PPP1R9B: variants seen among roughly 807,000 people sequenced by gnomAD.
The protein encoded by PPP1R9B is protein phosphatase 1 regulatory subunit 9B, also known as neurabin-2.
Under a neutral mutation model 75.8 loss-of-function variants are expected in PPP1R9B, and 17 were observed. That is an observed-to-expected ratio of 0.22 (90% CI 0.15 to 0.34). The LOEUF (loss-of-function observed/expected upper bound fraction) is 0.34, where lower values mean the gene tolerates loss of function less well. Ranked by LOEUF, PPP1R9B falls within the 10% of genes least tolerant of loss-of-function variation. The pLI is 1.00. For synonymous variants in PPP1R9B, 509 were observed against 535.4 expected (o/e 0.95, Z 0.68); for missense variants, 875 against 1,196.0 (o/e 0.73, Z 3.96).
intron 4 of PPP1R9B, among the ~76,000 whole-genome samples, chr17:50,140,918 G>A (rs1912359803): frequency 6.6e-6 from 1 of 152,148 alleles, no homozygotes; most frequent in South Asian, 2.1e-4. Context: ...AGGTCCCAAT[G>A]AGGGGACCCC....
At chr17:50,148,075 G>T (rs1912562461) in intron 1 of PPP1R9B, among the ~76,000 whole-genome samples, 1 of 152,012 alleles carries the variant, frequency 6.6e-6, no homozygotes, top group Non-Finnish European at 1.5e-5. Flanking sequence ...GAAGAACCCT[G>T]CAGGCTGAAT....
chr17:50,140,289 C>A, intron 4 of PPP1R9B, 61 bp from the exon 5 acceptor site: 1 of 1,532,892 alleles, frequency 6.5e-7, no homozygotes, highest in Non-Finnish European at 8.8e-7. Flanking sequence ...CATCATCCTC[C>A]CTGCTGATGC....
In PPP1R9B at chr17:50,134,451, C is replaced by T. The variant is rs1049231616; in HGVS notation, c.*880G>A. On this transcript the variant is annotated 3_prime_UTR_variant, in exon 10 of 10. Coordinates refer to ENST00000612501, the MANE Select transcript of PPP1R9B (RefSeq NM_032595.5). ...CTCCAGGGAGAAATGTTCCCCTTGC[C>T]TAAGACCAGGGTCGCTGTAGCCAGA... 1.3e-5 allele frequency: 2 copies of T among 152,746 alleles called. No homozygotes were observed. Among genetic ancestry groups the T allele is most frequent in the African/African-American group, 4.8e-5 (2 of 41,470 alleles). The allele number at this position is 152,746 out of a possible 1,614,324, so 9.5% of individuals were successfully genotyped here. A position where few individuals can be genotyped will look rare whatever the true frequency, so the allele number is the denominator to read the frequency against.
At chr17:50,141,619 C>A (rs532658839) in intron 3 of PPP1R9B, among the ~76,000 whole-genome samples, 2 of 150,080 alleles carry the variant, frequency 1.3e-5, no homozygotes, top group South Asian at 4.2e-4. Context: ...GCTGTGTTTG[C>A]GCCACTGCAC....
chr17:50,140,778 G>T (rs1440742690), intron 4 of PPP1R9B, among the ~76,000 whole-genome samples: 2 of 152,210 alleles, frequency 1.3e-5, no homozygotes, highest in Admixed American at 1.3e-4. Context: ...CAGGGGGGCA[G>T]GGAGTGATCC....
intron 3 of PPP1R9B, 82 bp downstream of exon 3, chr17:50,143,516 C>G (rs1034088858): frequency 2.2e-5 from 34 of 1,544,666 alleles, no homozygotes; most frequent in African/African-American, 5.4e-5. Flanking sequence ...CCCGCCCCAC[C>G]CCCTGCTCAG....
At chr17:50,141,447 G>C in intron 3 of PPP1R9B, 74 bp from the exon 4 acceptor site, 1 of 941,938 alleles carries the variant, frequency 1.1e-6, no homozygotes, top group Non-Finnish European at 1.6e-6. Context: ...CCTCCCATCA[G>C]AAACTCCAGG....
intron 9 of PPP1R9B, 80 bp from the exon 10 acceptor site, chr17:50,135,464 T>C: frequency 6.3e-7 from 1 of 1,577,040 alleles, no homozygotes; most frequent in East Asian, 2.2e-5. Flanking sequence ...GGTGAGGACA[T>C]GGCATCCCCT....
At chr17:50,147,417 G>A (rs1382969939) in intron 1 of PPP1R9B, among the ~76,000 whole-genome samples, 3 of 152,232 alleles carry the variant, frequency 2.0e-5, no homozygotes, top group African/African-American at 7.2e-5. Flanking sequence ...CCTGTGCCAG[G>A]GTGGGGAGGA....
chr17:50,144,035 T>C (rs895471312), intron 2 of PPP1R9B, among the ~76,000 whole-genome samples: 2 of 151,728 alleles, frequency 1.3e-5, no homozygotes, highest in Admixed American at 6.6e-5. Context: ...AGGATGGGGG[T>C]AGCCAGGATG....
At chr17:50,137,096 T>TCTGCCTGGAATGTCCCCC (rs1163299247) in intron 7 of PPP1R9B, among the ~76,000 whole-genome samples, 1 of 152,074 alleles carries the variant, frequency 6.6e-6, no homozygotes, top group Non-Finnish European at 1.5e-5. Flanking sequence ...TGCTGTCCCC[T>TCTGCCTGGAATGTCCCCC]CTGCCTGGAA....
At position 50,139,502 on chromosome 17, in the gene PPP1R9B, T is replaced by C; in HGVS notation, c.1946A>G (p.Glu649Gly). ...PGGEMAIEVF[E>G]LAENEDALSP... ...CAGTGCATCCTCGTTCTCCGCTAGC[T>C]CAAACACCTCGATGGCCATCTCACC... is the stretch of plus-strand genomic sequence containing the variant. Residue 649 changes from glutamate to glycine, a missense_variant, in exon 6 of 10, where the codon GAG becomes GGG. Transcript: ENST00000612501. The surrounding 1 kb of genome is among the most constrained non-coding windows in gnomAD (Gnocchi z 5.0). 1 of 1,601,884 alleles carries C rather than the reference T, an allele frequency of 6.2e-7. No homozygotes were observed. The highest frequency in any genetic ancestry group is 8.5e-7 in the Non-Finnish European group (1 of 1,172,670).
At chr17:50,143,219 G>A (rs4794103) in intron 3 of PPP1R9B, among the ~76,000 whole-genome samples, 22,419 of 151,986 alleles carry the variant, frequency 0.15, 1,761 homozygotes, top group African/African-American at 0.17. Flanking sequence ...GCCCAGCACC[G>A]GCCCAACACT....
intron 3 of PPP1R9B, 124 bp from the exon 4 acceptor site, chr17:50,141,497 A>G: frequency 1.7e-6 from 1 of 572,490 alleles, no homozygotes; most frequent in South Asian, 2.4e-5. Flanking sequence ...CATCTCTACA[A>G]ACAATAAAAA....
chr17:50,143,144 T>A (rs1472879834), intron 3 of PPP1R9B, among the ~76,000 whole-genome samples: 1 of 152,208 alleles, frequency 6.6e-6, no homozygotes, highest in African/African-American at 2.4e-5. Context: ...ATTTATTCAA[T>A]GTCTACCTCA....
rs557133429 is a variant in PPP1R9B at position 50,146,890 on chromosome 17, A to G, written c.1372-1645T>C. On this transcript the variant is annotated intron_variant, in intron 1 of 9. Coordinates refer to ENST00000612501, the MANE Select transcript of PPP1R9B (RefSeq NM_032595.5). Reference sequence around the variant, plus strand: ...GCACACATGCCCCAGGCTCTGGGACAGGGCTGATGTGAGCCTGGACTCAGC... The same window carrying G: ...GCACACATGCCCCAGGCTCTGGGACGGGGCTGATGTGAGCCTGGACTCAGC... 2.6e-5 allele frequency among the ~76,000 whole-genome samples: 4 copies of G among 152,318 alleles called. No homozygotes were observed. The East Asian group carries it at 7.7e-4, about 29-fold the overall frequency.
Position 50,135,121 on chromosome 17 carries a change from T to G in PPP1R9B, c.*210A>C. The G allele has an allele frequency of 1.7e-6, 1 of 590,518 alleles. No homozygotes were observed. The highest frequency in any genetic ancestry group is 3.0e-6 in the Non-Finnish European group (1 of 329,856). 36.6% of individuals were successfully genotyped at this position (590,518 alleles called of 1,614,324 possible). On this transcript the variant is annotated 3_prime_UTR_variant, in exon 10 of 10. Coordinates refer to ENST00000612501, the MANE Select transcript of PPP1R9B (RefSeq NM_032595.5). The stretch of plus-strand genomic sequence containing the variant: ...CATGGGGCAAGAAAGAGGCTGCCCT[T>G]CTAGCCACCTCTGTCTGCCCAGGCC...
At chr17:50,135,938 G>GGCCCCCCCC in intron 8 of PPP1R9B, 30 bp downstream of exon 8, 1 of 1,419,244 alleles carries the variant, frequency 7.0e-7, no homozygotes, top group Non-Finnish European at 9.7e-7. Flanking sequence ...TGCTCCCTGG[G>GGCCCCCCCC]CCCAGCCCGC....
chr17:50,144,520 C>CT (rs1426889087), intron 2 of PPP1R9B, among the ~76,000 whole-genome samples: 4 of 152,182 alleles, frequency 2.6e-5, no homozygotes, highest in Admixed American at 2.6e-4. Context: ...AACAAGACCA[C>CT]GTGGTCTGCA....
Sources: allele counts gnomAD v4.1 joint callset (sites outside exome capture counted in the v4.1 genomes callset), GRCh38; gene constraint gnomAD v4.1.1; non-coding constraint Gnocchi (gnomAD v3.1); transcripts MANE v1.5; gene names NCBI Gene and HGNC (gene_info 2026-07-23, HGNC 2026-07-21).